The following THRB variants were observed in gnomAD, a reference collection of about 807,000 sequenced individuals.
THRB encodes the protein thyroid hormone receptor beta.
In THRB, 12 loss-of-function variants were observed where a neutral mutation model predicts 47.8. The ratio of observed to expected loss-of-function variants is 0.25; its 90% CI spans 0.16 to 0.41. THRB has a LOEUF of 0.41. Ranked by LOEUF, THRB falls within the 10% of genes least tolerant of loss-of-function variation. THRB has a pLI of 1.00. For missense variants in THRB, 348 were observed against 589.2 expected, an observed-to-expected ratio of 0.59 and a Z score of 4.24; for synonymous variants, 218 against 212.2, an observed-to-expected ratio of 1.03 and a Z score of -0.24.
At chr3:24,391,247 T>C (rs2066548681) in intron 1 of THRB, among the ~76,000 whole-genome samples, 1 of 151,676 alleles carries the variant, frequency 6.6e-6, no homozygotes, top group Admixed American at 6.6e-5. Context: ...GGTGGTAAAA[T>C]ATGGTCAAAA....
At chr3:24,216,282 T>C (rs2046550234) in intron 4 of THRB, among the ~76,000 whole-genome samples, 1 of 152,160 alleles carries the variant, frequency 6.6e-6, no homozygotes, top group African/African-American at 2.4e-5. Context: ...CTAAGATTCC[T>C]TCCAATGCTG....
chr3:24,181,991 GGA>G (rs955081825), intron 5 of THRB, among the ~76,000 whole-genome samples: 33 of 152,228 alleles, frequency 2.2e-4, no homozygotes, highest in African/African-American at 7.7e-4. Flanking sequence ...CACGAGTTCA[GGA>G]GATCGAGACC....
intron 1 of THRB, among the ~76,000 whole-genome samples, chr3:24,349,654 A>G (rs2063242190): frequency 6.6e-6 from 1 of 152,090 alleles, no homozygotes; most frequent in Non-Finnish European, 1.5e-5. Flanking sequence ...TGTAAAAAAT[A>G]TTTTTGTACC....
At chr3:24,169,249 T>C (rs1449208279) in intron 5 of THRB, among the ~76,000 whole-genome samples, 1 of 152,152 alleles carries the variant, frequency 6.6e-6, no homozygotes, top group Admixed American at 6.6e-5. Context: ...CGAGATGTAA[T>C]AGAAGAAGTG....
intron 1 of THRB, among the ~76,000 whole-genome samples, chr3:24,357,346 CAAAAAAAAAAAAAAA>C (rs781709724): frequency 2.1e-4 from 6 of 28,716 alleles, no homozygotes; most frequent in Admixed American, 1.3e-3. Context: ...TTGTCTCTCC[CAAAAAAAAAAAAAAA>C]AAAAAAAAAA....
At chr3:24,473,623 T>C (rs1346696286) in intron 1 of THRB, among the ~76,000 whole-genome samples, 1 of 152,148 alleles carries the variant, frequency 6.6e-6, no homozygotes, top group African/African-American at 2.4e-5. Context: ...CATTCTACTG[T>C]AAAGACACAT....
intron 4 of THRB, among the ~76,000 whole-genome samples, chr3:24,192,210 C>G (rs975541109): frequency 6.6e-6 from 1 of 152,110 alleles, no homozygotes; most frequent in African/African-American, 2.4e-5. Context: ...TATTGCATTT[C>G]GAGCTAAACA....
At chr3:24,409,675 T>C (rs1024264256) in intron 1 of THRB, among the ~76,000 whole-genome samples, 2 of 151,800 alleles carry the variant, frequency 1.3e-5, no homozygotes, top group Non-Finnish European at 2.9e-5. Context: ...TGAAAAATAT[T>C]AGGATTTTTA....
rs139170083 is a variant in THRB at position 24,438,858 on chromosome 3, C to G, written c.-261+55794G>C. On this transcript the variant is annotated intron_variant, in intron 1 of 10. Coordinates refer to ENST00000646209, the MANE Select transcript of THRB (RefSeq NM_001354712.2). The stretch of plus-strand genomic sequence containing the variant: ...TAGAAGGACAGAGATCAGAAGTCCC[C>G]CTAAACAAGGAAAAGGCAGTGTCTT... Among the ~76,000 whole-genome samples, 344 of 152,192 alleles carry G rather than the reference C, an allele frequency of 2.3e-3. 3 individuals carry two copies. Among genetic ancestry groups the G allele is most frequent in the African/African-American group, 7.9e-3 (330 of 41,530 alleles).
chr3:24,380,902 G>A (rs913841353), intron 1 of THRB, among the ~76,000 whole-genome samples: 16 of 152,150 alleles, frequency 1.1e-4, no homozygotes, highest in African/African-American at 3.9e-4. Context: ...GGATCATGAG[G>A]TCAAGAGATC....
chr3:24,342,702 G>A (rs1166673376), intron 1 of THRB, among the ~76,000 whole-genome samples: 1 of 152,158 alleles, frequency 6.6e-6, no homozygotes, highest in African/African-American at 2.4e-5. Context: ...ACACAGTCAT[G>A]CTGTGCAAGG....
At position 24,431,261 on chromosome 3, in the gene THRB, T is replaced by TCTAC. The variant is rs767685100; in HGVS notation, c.-261+63390_-261+63391insGTAG. On this transcript the variant is annotated intron_variant, in intron 1 of 10. Coordinates refer to ENST00000646209, the MANE Select transcript of THRB (RefSeq NM_001354712.2). ...GGATCAGTCTCTCTCTCTCTCTCTC[T>TCTAC]ACACACACACACACACACACACACA... Among the ~76,000 whole-genome samples the TCTAC allele has an allele frequency of 5.2e-3, 702 of 135,752 alleles. 4 individuals carry two copies. Among genetic ancestry groups the TCTAC allele is most frequent in the African/African-American group, 0.017 (638 of 36,936 alleles). The allele number at this position is 135,752 out of a possible 152,430, so 89.1% of individuals were successfully genotyped here. A position where few individuals can be genotyped will look rare whatever the true frequency, so the allele number is the denominator to read the frequency against.
chr3:24,338,061 G>A (rs900689602), intron 1 of THRB, among the ~76,000 whole-genome samples: 1 of 152,180 alleles, frequency 6.6e-6, no homozygotes, highest in African/African-American at 2.4e-5. Flanking sequence ...ACTAACTGCA[G>A]TCCTACAATT....
At chr3:24,398,491 T>C (rs2067143345) in intron 1 of THRB, among the ~76,000 whole-genome samples, 1 of 152,194 alleles carries the variant, frequency 6.6e-6, no homozygotes, top group South Asian at 2.1e-4. Context: ...TCATCATCAC[T>C]GGCCATCAAA....
chr3:24,322,335 T>C (rs1000158661), intron 2 of THRB, among the ~76,000 whole-genome samples: 13 of 152,204 alleles, frequency 8.5e-5, no homozygotes, highest in African/African-American at 2.9e-4. Flanking sequence ...CAAATGAAGG[T>C]AGAAAACAGT....
At chr3:24,299,101 A>G (rs918346227) in intron 2 of THRB, among the ~76,000 whole-genome samples, 9 of 151,894 alleles carry the variant, frequency 5.9e-5, no homozygotes, top group Admixed American at 2.6e-4. Context: ...CAAAAAAATT[A>G]GCTGGGCGTG....
intron 10 of THRB, among the ~76,000 whole-genome samples, chr3:24,126,180 C>T (rs1024435550): frequency 1.9e-4 from 29 of 152,126 alleles, no homozygotes; most frequent in Admixed American, 4.6e-4. Flanking sequence ...ATCACTTGAG[C>T]CCAGGAGTTC....
At chr3:24,159,915 A>G (rs2038517909) in intron 5 of THRB, among the ~76,000 whole-genome samples, 1 of 152,222 alleles carries the variant, frequency 6.6e-6, no homozygotes, top group African/African-American at 2.4e-5. Flanking sequence ...TATACTTTAT[A>G]TATAATATAT....
intron 2 of THRB, among the ~76,000 whole-genome samples, chr3:24,323,619 C>T (rs2058629285): frequency 6.6e-6 from 1 of 152,234 alleles, no homozygotes. Context: ...CTCTAAGAAA[C>T]TTTCCATGTT....
Sources: gnomAD v4.1 joint callset for allele counts (sites outside exome capture counted in the v4.1 genomes callset) on GRCh38, gnomAD v4.1.1 for gene constraint, MANE v1.5 for transcripts, NCBI Gene and HGNC (gene_info 2026-07-23, HGNC 2026-07-21) for gene names.